RUNX1T1: variants seen among roughly 807,000 people sequenced by gnomAD.
RUNX1T1 encodes RUNX1 partner transcriptional co-repressor 1.
In RUNX1T1, 4 loss-of-function variants were observed where a neutral mutation model predicts 62.8. The ratio of observed to expected loss-of-function variants is 0.06; its 90% confidence interval spans 0.03 to 0.15. The LOEUF is 0.15. Among genes scored for constraint, RUNX1T1 ranks in the 10% least tolerant of loss-of-function variants. The pLI is 1.00. For synonymous variants in RUNX1T1, 291 were observed against 286.0 expected (o/e 1.02, Z -0.18); for missense variants, 508 against 754.3 (o/e 0.67, Z 3.82).
At chr8:92,038,097 C>T (rs929235115) in intron 1 of RUNX1T1, among the ~76,000 whole-genome samples, 1 of 149,918 alleles carries the variant, frequency 6.7e-6, no homozygotes, top group African/African-American at 2.5e-5. Flanking sequence ...GGGTCTCACT[C>T]TGTTGTACAG....
chr8:91,986,489 T>C (rs371379609), intron 7 of RUNX1T1, among the ~76,000 whole-genome samples, 164 bp from the exon 9 acceptor site: 3 of 152,080 alleles, frequency 2.0e-5, no homozygotes, highest in African/African-American at 4.8e-5. Context: ...TCAGAGCCAA[T>C]AGATGGAAAA....
exon 11 of RUNX1T1, chr8:91,959,488 G>GTATATATATATATA (rs60438153): frequency 1.2e-5 from 1 of 84,796 alleles, no homozygotes; most frequent in Admixed American, 1.4e-4. Context: ...GTGTGTGTGT[G>GTATATATATATATA]TATATATATA....
intron 2 of RUNX1T1, among the ~76,000 whole-genome samples, chr8:92,072,418 A>T (rs538178862): frequency 1.3e-5 from 2 of 152,188 alleles, no homozygotes; most frequent in Non-Finnish European, 2.9e-5. Flanking sequence ...CCTTTAAAAG[A>T]TAAGAAAGTG....
intron 1 of RUNX1T1, among the ~76,000 whole-genome samples, chr8:92,026,625 T>C (rs1825199858): frequency 6.6e-6 from 1 of 151,584 alleles, no homozygotes; most frequent in Non-Finnish European, 1.5e-5. Context: ...ATTGAGACCA[T>C]CCTGGCTAAC....
intron 1 of RUNX1T1, among the ~76,000 whole-genome samples, chr8:92,034,797 TACACACACACACACACAC>T (rs200718439): frequency 2.1e-5 from 2 of 96,850 alleles, no homozygotes; most frequent in Non-Finnish European, 4.4e-5. Context: ...TATACATATA[TACACACACACACACACAC>T]ACACACACAC....
chr8:92,051,537 TTC>T (rs750783201), intron 1 of RUNX1T1, among the ~76,000 whole-genome samples: 2 of 150,182 alleles, frequency 1.3e-5, no homozygotes, highest in Non-Finnish European at 3.0e-5. Flanking sequence ...TACACATACA[TTC>T]TCTCTTGCAC....
intron 1 of RUNX1T1, among the ~76,000 whole-genome samples, chr8:92,031,423 G>C (rs1826206581): frequency 6.6e-6 from 1 of 152,092 alleles, no homozygotes; most frequent in African/African-American, 2.4e-5. Context: ...GAAACACTTT[G>C]AAAATAAAGT....
chr8:92,098,741 C>T (rs1357413610), intron 1 of RUNX1T1, among the ~76,000 whole-genome samples: 3 of 152,164 alleles, frequency 2.0e-5, no homozygotes, highest in African/African-American at 4.8e-5. Context: ...AAAACCTCCT[C>T]GAATTTCATT....
intron 1 of RUNX1T1, among the ~76,000 whole-genome samples, chr8:92,093,526 A>G (rs1000654079): frequency 6.6e-6 from 1 of 152,228 alleles, no homozygotes; most frequent in South Asian, 2.1e-4. Flanking sequence ...TAAAATACAT[A>G]CATCTCACTT....
chr8:91,974,275 C>CT (rs1430743882), intron 9 of RUNX1T1, among the ~76,000 whole-genome samples: 1 of 152,094 alleles, frequency 6.6e-6, no homozygotes, highest in Non-Finnish European at 1.5e-5. Context: ...GTAGGACTTC[C>CT]TTTGTACATA....
intron 1 of RUNX1T1, among the ~76,000 whole-genome samples, chr8:92,055,994 CT>C (rs1830974691): frequency 6.6e-6 from 1 of 152,158 alleles, no homozygotes; most frequent in African/African-American, 2.4e-5. Context: ...GGATCACAGC[CT>C]TTCTTCCTTC....
chr8:92,101,372 G>A (rs1838027132), upstream of RUNX1T1, among the ~76,000 whole-genome samples: 1 of 152,166 alleles, frequency 6.6e-6, no homozygotes, highest in African/African-American at 2.4e-5. Context: ...CATGAAGTTT[G>A]TCTGGAGTGG....
intron 2 of RUNX1T1, among the ~76,000 whole-genome samples, chr8:92,071,955 A>T (rs2130736976): frequency 6.6e-6 from 1 of 152,294 alleles, no homozygotes; most frequent in East Asian, 1.9e-4. Flanking sequence ...ATCCAGAGAA[A>T]GGTCTGATTT....
intron 10 of RUNX1T1, among the ~76,000 whole-genome samples, chr8:91,963,425 C>T (rs1332399555): frequency 6.6e-6 from 1 of 151,986 alleles, no homozygotes; most frequent in Non-Finnish European, 1.5e-5. Context: ...GAGTGTTCAA[C>T]TAACAAACGC....
intron 1 of RUNX1T1, among the ~76,000 whole-genome samples, chr8:92,034,266 G>A (rs1490897975): frequency 2.6e-5 from 4 of 152,000 alleles, no homozygotes; most frequent in Non-Finnish European, 5.9e-5. Context: ...CTGACTGAGA[G>A]GAAAAGACTA....
chr8:91,959,012 G>T, exon 11 of RUNX1T1: 1 of 206,180 alleles, frequency 4.9e-6, no homozygotes, highest in Non-Finnish European at 9.8e-6. Flanking sequence ...TATAAAAGCA[G>T]CATAGAAAGA....
At chr8:92,097,107 G>A (rs973069762) in intron 1 of RUNX1T1, among the ~76,000 whole-genome samples, 1 of 152,154 alleles carries the variant, frequency 6.6e-6, no homozygotes, top group Admixed American at 6.5e-5. Flanking sequence ...ATCTTGTCAT[G>A]CAATGAATGT....
intron 9 of RUNX1T1, among the ~76,000 whole-genome samples, chr8:91,971,415 G>A (rs1299982513): frequency 1.3e-5 from 2 of 152,046 alleles, no homozygotes; most frequent in Non-Finnish European, 2.9e-5. Context: ...AAGAGAGGCC[G>A]AGAATGGATT....
intron 9 of RUNX1T1, among the ~76,000 whole-genome samples, chr8:91,975,665 C>T (rs894916575): frequency 6.6e-6 from 1 of 152,064 alleles, no homozygotes; most frequent in Non-Finnish European, 1.5e-5. Context: ...ATATTGCCAG[C>T]TTCTCAATTA....
Sources: gnomAD v4.1 joint callset for allele counts (sites outside exome capture counted in the v4.1 genomes callset) on GRCh38, gnomAD v4.1.1 for gene constraint, MANE v1.5 for transcripts, NCBI Gene and HGNC (gene_info 2026-07-23, HGNC 2026-07-21) for gene names.